CACNA2D1: variants seen among roughly 807,000 people sequenced by gnomAD.
CACNA2D1 encodes the protein voltage-dependent calcium channel subunit alpha-2/delta-1.
Under a neutral mutation model 171.5 loss-of-function variants are expected in CACNA2D1, and 53 were observed. That is an observed-to-expected ratio of 0.31 (90% confidence interval 0.25 to 0.39). The LOEUF is 0.39. Ranked by LOEUF, CACNA2D1 falls within the 10% of genes least tolerant of loss-of-function variation. The pLI, the probability that CACNA2D1 is intolerant of heterozygous loss-of-function variation, is 1.00. For missense variants in CACNA2D1, 903 were observed against 1,299.8 expected (o/e 0.69, Z 4.69); for synonymous variants, 442 against 443.1 (o/e 1.00, Z 0.03).
At chr7:82,060,560 C>T (rs1806744644) in intron 9 of CACNA2D1, 33 bp from the exon 10 acceptor site, 2 of 1,206,988 alleles carry the variant, frequency 1.7e-6, no homozygotes, top group East Asian at 2.3e-5. Context: ...ATACATGTTA[C>T]TCATCATGTA....
chr7:82,142,602 A>G (rs1397933051), intron 4 of CACNA2D1, among the ~76,000 whole-genome samples: 3 of 152,206 alleles, frequency 2.0e-5, no homozygotes, highest in Admixed American at 2.0e-4. Context: ...ACACATTCAA[A>G]ATTCAAATAG....
intron 6 of CACNA2D1, among the ~76,000 whole-genome samples, chr7:82,098,017 G>A (rs1302366219): frequency 6.6e-6 from 1 of 152,142 alleles, no homozygotes; most frequent in African/African-American, 2.4e-5. Context: ...GGGAGGCTGA[G>A]GCAGGAGAAT....
In CACNA2D1 at chr7:82,334,539, A is replaced by G. The variant is rs1301253295; in HGVS notation, c.294+596T>C. ...AAGTGCAAACATACATATAAATCAT[A>G]CAAACACAATGTTGATGGAGAAAAC... is the stretch of plus-strand genomic sequence containing the variant. On this transcript the variant is annotated intron_variant, in intron 3 of 38. Coordinates refer to ENST00000356860, the MANE Select transcript of CACNA2D1 (RefSeq NM_000722.4). Among the ~76,000 whole-genome samples the G allele has an allele frequency of 2.6e-5, 4 of 152,340 alleles. No homozygotes were observed. In the East Asian group the frequency reaches 7.7e-4, roughly 29 times the overall value.
At chr7:81,953,826 C>T (rs1326889577) in intron 38 of CACNA2D1, among the ~76,000 whole-genome samples, 1 of 152,102 alleles carries the variant, frequency 6.6e-6, no homozygotes, top group Non-Finnish European at 1.5e-5. Context: ...TTATACTCTA[C>T]AAATGTGTTA....
chr7:82,413,918 C>A (rs187970416), intron 1 of CACNA2D1, among the ~76,000 whole-genome samples: 125 of 151,910 alleles, frequency 8.2e-4, no homozygotes, highest in Middle Eastern at 3.4e-3. Flanking sequence ...GATATACTAT[C>A]CTGAATAAAA....
rs1373271463 is a variant in CACNA2D1, at chr7:82,145,287, A to C, written c.355-8611T>G. Reference sequence around the variant, plus strand: ...TAAAATATATAAAATAAAATAAAAAATAAAAATATATAAATTATGTAAAAT... The same window carrying C: ...TAAAATATATAAAATAAAATAAAAACTAAAAATATATAAATTATGTAAAAT... On this transcript the variant is annotated intron_variant, in intron 4 of 38. Coordinates refer to ENST00000356860, the MANE Select transcript of CACNA2D1 (RefSeq NM_000722.4). 2.1e-5 allele frequency among the ~76,000 whole-genome samples: 3 copies of C among 145,578 alleles called. No individual in the cohort carries two copies. In the East Asian group the frequency reaches 5.9e-4, roughly 29 times the overall value.
chr7:81,997,096 T>C (rs1434131751), intron 19 of CACNA2D1, 83 bp downstream of exon 19: 1 of 815,832 alleles, frequency 1.2e-6, no homozygotes. Flanking sequence ...TAACACATTG[T>C]AGCCGTTCAA....
intron 3 of CACNA2D1, among the ~76,000 whole-genome samples, chr7:82,286,741 A>G (rs1256560628): frequency 6.6e-6 from 1 of 152,172 alleles, no homozygotes; most frequent in Non-Finnish European, 1.5e-5. Flanking sequence ...AAAAGAAAGA[A>G]AGCAAAAAGA....
chr7:82,239,024 A>C (rs1803940232), intron 3 of CACNA2D1, among the ~76,000 whole-genome samples: 1 of 152,132 alleles, frequency 6.6e-6, no homozygotes, highest in Non-Finnish European at 1.5e-5. Flanking sequence ...TTTTGAGGTA[A>C]GTAATATATT....
chr7:82,401,882 T>C (rs1826466477), intron 1 of CACNA2D1, among the ~76,000 whole-genome samples: 1 of 152,010 alleles, frequency 6.6e-6, no homozygotes, highest in Admixed American at 6.6e-5. Flanking sequence ...GTAAACCATA[T>C]AGTGTTTAGT....
chr7:82,277,122 A>G (rs1214289344), intron 3 of CACNA2D1, among the ~76,000 whole-genome samples: 1 of 152,062 alleles, frequency 6.6e-6, no homozygotes, highest in Non-Finnish European at 1.5e-5. Context: ...CTAAAACACA[A>G]TGGTTTTGTT....
chr7:81,967,296 T>C (rs1794808323), intron 30 of CACNA2D1, 89 bp from the exon 31 acceptor site: 1 of 1,084,630 alleles, frequency 9.2e-7, no homozygotes, highest in Admixed American at 1.8e-5. Flanking sequence ...AATTCTGAAA[T>C]AATTTATCCA....
intron 32 of CACNA2D1, among the ~76,000 whole-genome samples, chr7:81,964,784 G>A (rs1273883611): frequency 6.6e-6 from 1 of 151,848 alleles, no homozygotes; most frequent in Non-Finnish European, 1.5e-5. Flanking sequence ...AATTTGATGA[G>A]AGTAGATTTT....
In CACNA2D1 at chr7:82,304,983, A is replaced by G. The variant is rs142225972; in HGVS notation, c.294+30152T>C. On this transcript the variant is annotated intron_variant, in intron 3 of 38. Coordinates refer to ENST00000356860, the MANE Select transcript of CACNA2D1 (RefSeq NM_000722.4). ...AACAAAATATCATGTGTACACCGTA[A>G]GTATGTACACATATTATGTAATGAC... is the stretch of plus-strand genomic sequence containing the variant. Among the ~76,000 whole-genome samples, 1,103 of 152,266 alleles carry G rather than the reference A, an allele frequency of 7.2e-3. 8 individuals are homozygous for G. The highest frequency in any genetic ancestry group is 0.026 in the African/African-American group (1,068 of 41,540).
chr7:82,114,628 T>C (rs557626713), intron 6 of CACNA2D1, among the ~76,000 whole-genome samples: 1 of 151,914 alleles, frequency 6.6e-6, no homozygotes, highest in South Asian at 2.1e-4. Flanking sequence ...TGGTGGTGCA[T>C]GCCTGTAATC....
intron 3 of CACNA2D1, among the ~76,000 whole-genome samples, chr7:82,280,177 G>T (rs377427945): frequency 7.9e-5 from 12 of 152,084 alleles, no homozygotes; most frequent in African/African-American, 2.9e-4. Flanking sequence ...GAAAATACAT[G>T]TTACTTGTAT....
At chr7:82,101,354 G>T (rs916040535) in intron 6 of CACNA2D1, among the ~76,000 whole-genome samples, 3 of 152,030 alleles carry the variant, frequency 2.0e-5, no homozygotes, top group African/African-American at 7.2e-5. Context: ...AGTCTTGGGG[G>T]AGCACACAGG....
chr7:82,105,158 TA>T (rs1277829104), intron 6 of CACNA2D1, among the ~76,000 whole-genome samples: 3 of 152,072 alleles, frequency 2.0e-5, no homozygotes, highest in Non-Finnish European at 4.4e-5. Context: ...AAGAGAATTG[TA>T]AGGTTAAAAT....
rs930513119 is a variant in CACNA2D1, at chr7:82,250,498, A to G, written c.295-79889T>C. Among the ~76,000 whole-genome samples, 9 of 152,192 alleles carry G rather than the reference A, an allele frequency of 5.9e-5. No homozygotes were observed. In the South Asian group the frequency reaches 8.3e-4, roughly 14 times the overall value. On this transcript the variant is annotated intron_variant, in intron 3 of 38. Transcript: ENST00000356860. ...TTAACTTCATCACATAAGTAGGTAC[A>G]TACAGGCAATTCTTAGGGATCTGCA...
Sources: gnomAD v4.1 joint callset for allele counts (sites outside exome capture counted in the v4.1 genomes callset) on GRCh38, gnomAD v4.1.1 for gene constraint, MANE v1.5 for transcripts, NCBI Gene and HGNC (gene_info 2026-07-23, HGNC 2026-07-21) for gene names.